The following ARID4A variants were observed in gnomAD, a reference collection of about 807,000 sequenced individuals.
ARID4A encodes AT-rich interaction domain 4A.
A neutral mutation model predicts 148.6 loss-of-function variants in ARID4A; 39 were observed. The observed-to-expected ratio is 0.26, with a 90% CI of 0.20 to 0.34. The LOEUF (loss-of-function observed/expected upper bound fraction) is 0.34. Among genes scored for constraint, ARID4A ranks in the 10% least tolerant of loss-of-function variants. ARID4A has a pLI of 1.00. For synonymous variants in ARID4A, 475 were observed against 481.2 expected (o/e 0.99, Z 0.17); for missense variants, 1,265 against 1,449.1 (o/e 0.87, Z 2.06).
intron 7 of ARID4A, among the ~76,000 whole-genome samples, chr14:58,321,543 C>G (rs565274211): frequency 6.6e-6 from 1 of 152,024 alleles, no homozygotes; most frequent in South Asian, 2.1e-4. Context: ...TTTTTTCCTG[C>G]GCCAACCCTG....
intron 23 of ARID4A, among the ~76,000 whole-genome samples, chr14:58,368,722 T>C (rs2035468440): frequency 6.6e-6 from 1 of 152,242 alleles, no homozygotes; most frequent in Non-Finnish European, 1.5e-5. Flanking sequence ...TAATGAAATA[T>C]CTTGGTGATG....
chr14:58,326,488 C>A (rs141843166), intron 8 of ARID4A, among the ~76,000 whole-genome samples: 3 of 152,088 alleles, frequency 2.0e-5, no homozygotes, highest in African/African-American at 7.2e-5. Context: ...CTCTGGGAAT[C>A]CATTTTGGCT....
At chr14:58,370,034 A>G (rs1426142904) in intron 23 of ARID4A, 1 of 152,232 alleles carries the variant, frequency 6.6e-6, no homozygotes, top group Non-Finnish European at 1.5e-5. Context: ...GTGACGTGTC[A>G]TGTGTGGCCT....
At chr14:58,363,932 T>C (rs1202441903) in intron 19 of ARID4A, among the ~76,000 whole-genome samples, 1 of 152,192 alleles carries the variant, frequency 6.6e-6, no homozygotes, top group Non-Finnish European at 1.5e-5. Flanking sequence ...TAGCTTTTCA[T>C]ATAGATTTGA....
intron 4 of ARID4A, among the ~76,000 whole-genome samples, chr14:58,305,366 T>G (rs1189097523): frequency 3.3e-5 from 5 of 152,144 alleles, no homozygotes; most frequent in Non-Finnish European, 7.4e-5. Context: ...AATCTTTGGT[T>G]GTTCTAATTT....
chr14:58,340,774 C>T (rs533821134), intron 11 of ARID4A, among the ~76,000 whole-genome samples: 17 of 151,714 alleles, frequency 1.1e-4, no homozygotes, highest in African/African-American at 2.7e-4. Flanking sequence ...CGTGAGCCAC[C>T]GTGCCCGGCC....
chr14:58,338,984 G>GGAGACACA (rs2033973323), intron 11 of ARID4A, among the ~76,000 whole-genome samples: 5 of 62,002 alleles, frequency 8.1e-5, no homozygotes, highest in African/African-American at 3.5e-4. Flanking sequence ...TTTTTTTTTT[G>GGAGACACA]GAGACACAGT....
At chr14:58,326,560 G>C (rs1261427747) in intron 8 of ARID4A, among the ~76,000 whole-genome samples, 1 of 152,172 alleles carries the variant, frequency 6.6e-6, no homozygotes, top group Non-Finnish European at 1.5e-5. Context: ...TTTGAATCTA[G>C]GGCAGAAGGG....
At chr14:58,305,409 T>C (rs2031526213) in intron 4 of ARID4A, among the ~76,000 whole-genome samples, 1 of 152,136 alleles carries the variant, frequency 6.6e-6, no homozygotes, top group South Asian at 2.1e-4. Context: ...CCTAATTCAA[T>C]TTAATGAATA....
At chr14:58,338,218 C>G (rs959399100) in intron 11 of ARID4A, among the ~76,000 whole-genome samples, 7 of 152,080 alleles carry the variant, frequency 4.6e-5, no homozygotes, top group Non-Finnish European at 8.8e-5. Flanking sequence ...AAAGAGGGCT[C>G]TACTTGAATT....
chr14:58,314,192 C>T (rs1173173110), intron 5 of ARID4A, among the ~76,000 whole-genome samples: 1 of 151,988 alleles, frequency 6.6e-6, no homozygotes, highest in Admixed American at 6.6e-5. Context: ...ACTTTTTTTC[C>T]TCTTAGCATG....
At chr14:58,360,248 C>G (rs1172833434) in intron 18 of ARID4A, among the ~76,000 whole-genome samples, 1 of 152,074 alleles carries the variant, frequency 6.6e-6, no homozygotes, top group South Asian at 2.1e-4. Context: ...TAAAGTAGGA[C>G]GAACCGTGAC....
Position 58,364,569 on chromosome 14 carries a change from G to T in ARID4A, c.2480G>T (p.Ser827Ile). 1 of 1,611,838 alleles carries T rather than the reference G, an allele frequency of 6.2e-7. No individual in the cohort carries two copies. Among genetic ancestry groups the T allele is most frequent in the Non-Finnish European group, 8.5e-7 (1 of 1,179,588 alleles). ...AGTGAACCTCATATAGAAGCTCATAGTCTTGAATTGTCTTCATTAGACAAT... is the reference window on the plus strand; with the variant it reads ...AGTGAACCTCATATAGAAGCTCATATTCTTGAATTGTCTTCATTAGACAAT... ...AGSEPHIEAH[S>I]LELSSLDNKN... The change falls in exon 20 of 24, where the codon AGT becomes ATT. Residue 827 changes from serine to isoleucine, a missense_variant. Physicochemically the swap from Ser to Ile is moderately radical, Grantham distance 142. This residue lies in a region of ARID4A where 666 missense variants were observed against 730.9 expected (regional missense o/e 0.91). Transcript: ENST00000355431.
chr14:58,363,136 A>T (rs1388423221), intron 19 of ARID4A, among the ~76,000 whole-genome samples: 4 of 152,242 alleles, frequency 2.6e-5, no homozygotes, highest in African/African-American at 9.6e-5. Flanking sequence ...TTTTTAAAAC[A>T]TGAAAATGAA....
intron 11 of ARID4A, among the ~76,000 whole-genome samples, chr14:58,332,007 C>CCA (rs2033555475): frequency 6.9e-6 from 1 of 144,884 alleles, no homozygotes; most frequent in African/African-American, 2.6e-5. Context: ...CCCCCCCCCC[C>CCA]CAAAAAACCC....
At chr14:58,329,731 T>C (rs1238813421) in intron 10 of ARID4A, 127 bp downstream of exon 10, 1 of 977,840 alleles carries the variant, frequency 1.0e-6, no homozygotes, top group Non-Finnish European at 1.5e-6. Context: ...CCACTCTTAC[T>C]TGATTTTTTT....
At position 58,365,137 on chromosome 14, in the gene ARID4A, T is replaced by A. The variant is rs1180100900; in HGVS notation, c.3048T>A (p.Ser1016=). ...CACTTACTCTTAGTCAAGATGAGTC[T>A]CGAAGCGTAAAAAGTGAGAGTGATA... The part of the protein sequence containing the change: ...ASPLTLSQDE[S]RSVKSESDIT... Residue 1016 remains serine (S), a synonymous_variant, in exon 20 of 24, where the codon TCT becomes TCA. Coordinates refer to ENST00000355431, the MANE Select transcript of ARID4A (RefSeq NM_002892.4). 8 of 1,614,150 alleles carry A rather than the reference T, an allele frequency of 5.0e-6. No individual in the cohort carries two copies. The highest frequency in any genetic ancestry group is 6.8e-6 in the Non-Finnish European group (8 of 1,180,010).
At chr14:58,317,706 G>A (rs562205896) in intron 5 of ARID4A, among the ~76,000 whole-genome samples, 4 of 121,370 alleles carry the variant, frequency 3.3e-5, no homozygotes, top group African/African-American at 1.3e-4. Context: ...CACTAACCAT[G>A]GTTGAGCCTT....
intron 12 of ARID4A, among the ~76,000 whole-genome samples, chr14:58,346,200 ATATT>A (rs973529355): frequency 2.0e-5 from 3 of 148,962 alleles, no homozygotes; most frequent in Non-Finnish European, 4.5e-5. Flanking sequence ...ATTATTATAT[ATATT>A]ATTATATATA....
Sources: gnomAD v4.1 joint callset for allele counts (sites outside exome capture counted in the v4.1 genomes callset) on GRCh38, gnomAD v4.1.1 for gene constraint, gnomAD v4.1.1 regional missense constraint, MANE v1.5 for transcripts, NCBI Gene and HGNC (gene_info 2026-07-23, HGNC 2026-07-21) for gene names.